TTN: variants seen among roughly 807,000 people sequenced by gnomAD.
TTN encodes titin.
Under a neutral mutation model 3,223.0 loss-of-function variants are expected in TTN, and 1,525 were observed. The observed-to-expected ratio is 0.47, with a 90% CI of 0.45 to 0.49. The LOEUF is 0.49. TTN is among the 20% of genes least tolerant of loss of function. TTN has a pLI of 0.00. For synonymous variants in TTN, 14,094 were observed against 15,161.0 expected (o/e 0.93, Z 5.17); for missense variants, 40,786 against 43,424.0 (o/e 0.94, Z 5.40).
intron 151 of TTN, 99 bp downstream of exon 151, chr2:178,674,215 G>C (rs539232345): frequency 4.1e-6 from 3 of 731,328 alleles, no homozygotes; most frequent in Non-Finnish European, 7.1e-6. Flanking sequence ...TCATGGATAC[G>C]ATATAAGAAA....
Position 178,608,621 on chromosome 2 carries a change from C to G in TTN, c.52390G>C (p.Ala17464Pro). The G allele has an allele frequency of 6.2e-7, 1 of 1,610,610 alleles. No homozygotes were observed. Among genetic ancestry groups the G allele is most frequent in the East Asian group, 2.2e-5 (1 of 44,476 alleles). Residue 17464 changes from alanine to proline, a missense_variant, in exon 274 of 363, where the codon GCT (alanine) becomes CCT (proline). Ala to Pro is a conservative substitution (Grantham distance 27). Transcript: ENST00000589042. ...GPPCVSKPLVAKDPFGPPDAP... is the reference protein window; with the variant it reads ...GPPCVSKPLVPKDPFGPPDAP... The stretch of plus-strand genomic sequence containing the variant: ...GGAAACTTACCAAATGGATCTTTAG[C>G]CACAAGTGGCTTTGAAACACATGGT...
intron 135 of TTN, among the ~76,000 whole-genome samples, 168 bp from the exon 136 acceptor site, chr2:178,681,906 T>A (rs185807221): frequency 5.3e-5 from 8 of 152,134 alleles, no homozygotes; most frequent in Admixed American, 3.3e-4. Flanking sequence ...CATATTGCCC[T>A]TTCCTTCTTG....
rs559907766 is a variant in TTN at position 178,571,005 on chromosome 2, C to A, written c.75127G>T (p.Val25043Phe). 6.3e-5 allele frequency: 102 copies of A among 1,613,052 alleles called. No homozygotes were observed. In the South Asian group the frequency reaches 9.9e-4, roughly 16 times the overall value. ...DGGSKITGYI[V>F]EKKELPEGRW... ...CCCTCAGGTAATTCTTTCTTCTCAA[C>A]AATATAACCAGTGATCTTGCTTCCA... Residue 25043 changes from valine to phenylalanine, a missense_variant, in exon 326 of 363, where the codon GTT becomes TTT. Val to Phe is a conservative substitution (Grantham distance 50, BLOSUM62 -1). Coordinates refer to ENST00000589042, the MANE Select transcript of TTN (RefSeq NM_001267550.2).
At chr2:178,672,533 G>T in intron 153 of TTN, 52 bp from the exon 154 acceptor site, 1 of 1,601,660 alleles carries the variant, frequency 6.2e-7, no homozygotes, top group Non-Finnish European at 8.5e-7. Context: ...AGCTTTCATA[G>T]ACAAAAATCA....
At position 178,552,197 on chromosome 2, in the gene TTN, C is replaced by T. The variant is rs1172858203; in HGVS notation, c.90703G>A (p.Asp30235Asn). The T allele has an allele frequency of 1.9e-6, 3 of 1,613,634 alleles. No individual in the cohort carries two copies. The highest frequency in any genetic ancestry group is 2.5e-6 in the Non-Finnish European group (3 of 1,179,724). ...ATGACACTATCAGCCTTGATTTCATCAAATCGAATGGGTCCTTTGGGCTTT... is the reference window on the plus strand; with the variant it reads ...ATGACACTATCAGCCTTGATTTCATTAAATCGAATGGGTCCTTTGGGCTTT... ...PSKPKGPIRF[D>N]EIKADSVILS... Residue 30235 changes from aspartate to asparagine, a missense_variant, in exon 335 of 363, where the codon GAT becomes AAT. Asp to Asn is a conservative substitution (Grantham distance 23, BLOSUM62 1). Coordinates refer to ENST00000589042, the MANE Select transcript of TTN (RefSeq NM_001267550.2).
chr2:178,554,048 A>G lies in TTN; in HGVS notation c.89063T>C (p.Ile29688Thr), dbSNP rs1559224502. 1.2e-6 allele frequency: 2 copies of G among 1,613,814 alleles called. No individual in the cohort carries two copies. The highest frequency in any genetic ancestry group is 3.3e-5 in the Admixed American group (2 of 59,992). Reference protein sequence around the residue: ...LGWFKVLKETIRDTRQKVTGL... With the variant: ...LGWFKVLKETTRDTRQKVTGL... The stretch of plus-strand genomic sequence containing the variant: ...TGTTACTTTTTGTCTGGTGTCACGG[A>G]TAGTCTCTTTTAGTACTTTAAACCA... The change falls in exon 333 of 363, where the codon ATC becomes ACC. Residue 29688 changes from isoleucine (I) to threonine (T), a missense_variant. By Grantham distance (89) the Ile-to-Thr change is moderately conservative (BLOSUM62 -1). Coordinates refer to ENST00000589042, the MANE Select transcript of TTN (RefSeq NM_001267550.2).
Position 178,559,976 on chromosome 2 carries a change from G to T in TTN, c.86156C>A (p.Ala28719Asp). ...AGATTTTACTCTGAAAACATATTCAGCTCCTGTTGTTAGTCCGCTTATTGT... is the reference window on the plus strand; with the variant it reads ...AGATTTTACTCTGAAAACATATTCATCTCCTGTTGTTAGTCCGCTTATTGT... ...EYTISGLTTG[A>D]EYVFRVKSVN... The change falls in exon 326 of 363, where the codon GCT (alanine) becomes GAT (aspartate). Residue 28719 changes from alanine (A) to aspartate (D), a missense_variant. Coordinates refer to ENST00000589042, the MANE Select transcript of TTN (RefSeq NM_001267550.2). 1 of 1,613,760 alleles carries T rather than the reference G, an allele frequency of 6.2e-7. No homozygotes were observed. Among genetic ancestry groups the T allele is most frequent in the South Asian group, 1.1e-5 (1 of 91,074 alleles).
At chr2:178,631,342 T>A in intron 236 of TTN, 42 bp from the exon 237 acceptor site, 1 of 1,545,980 alleles carries the variant, frequency 6.5e-7, no homozygotes, top group Non-Finnish European at 8.7e-7. Flanking sequence ...TTAATCACCT[T>A]AGGGAAATGA....
At position 178,714,924 on chromosome 2, in the gene TTN, G is replaced by A. The variant is rs1294432778; in HGVS notation, c.26200+62C>T. Reference sequence around the variant, plus strand: ...GATAAGACTGGGCTGGGGTGGAGGGGGCAACAGAGTATTACAATTAGAAGG... The same window carrying A: ...GATAAGACTGGGCTGGGGTGGAGGGAGCAACAGAGTATTACAATTAGAAGG... On this transcript the variant is annotated intron_variant, in intron 90 of 362. Coordinates refer to ENST00000589042, the MANE Select transcript of TTN (RefSeq NM_001267550.2). The A allele has an allele frequency of 4.5e-6, 7 of 1,548,942 alleles. No individual in the cohort carries two copies. The East Asian group carries it at 1.6e-4, about 35-fold the overall frequency.
chr2:178,677,851 T>G lies in TTN; in HGVS notation c.34061A>C (p.Glu11354Ala). 2 of 1,612,566 alleles carry G rather than the reference T, an allele frequency of 1.2e-6. No individual in the cohort carries two copies. Among genetic ancestry groups the G allele is most frequent in the Non-Finnish European group, 1.7e-6 (2 of 1,179,214 alleles). ...TTCCTCTTCAGGAACAATTTCTTCT[T>G]CAAATAGAACTTCCTCTTCCTGAGG... ...ALPQEEEVLF[E>A]EEIVPEEEVL... Residue 11354 changes from glutamate (E) to alanine (A), a missense_variant, in exon 146 of 363, where the codon GAA becomes GCA. By Grantham distance (107) the Glu-to-Ala change is moderately radical (BLOSUM62 -1). Transcript: ENST00000589042.
At position 178,577,266 on chromosome 2, in the gene TTN, G is replaced by A. The variant is rs747940275; in HGVS notation, c.69069C>T (p.Thr23023=). The A allele has an allele frequency of 6.2e-7, 1 of 1,612,872 alleles. No homozygotes were observed. Among genetic ancestry groups the A allele is most frequent in the Non-Finnish European group, 8.5e-7 (1 of 1,179,494 alleles). ...GTTCCACCTTCGTGCCAAAAGGATT[G>A]GTAGCAGTGATGGTATATTCACCCG... is the stretch of plus-strand genomic sequence containing the variant. ...KDAGEYTITA[T]NPFGTKVEHV... is the part of the protein sequence containing the mutation. Residue 23023 remains threonine, a synonymous_variant, in exon 324 of 363, where the codon ACC becomes ACT. Coordinates refer to ENST00000589042, the MANE Select transcript of TTN (RefSeq NM_001267550.2).
Position 178,611,738 on chromosome 2 carries a change from G to A in TTN, c.50551+20C>T, listed in dbSNP as rs67636125. 1.4e-3 allele frequency: 2,305 copies of A among 1,611,378 alleles called. 36 individuals carry two copies. In the African/African-American group the frequency reaches 0.023, roughly 16 times the overall value. The stretch of plus-strand genomic sequence containing the variant: ...CATCAAGTTCTAGACAATATCTTGT[G>A]TATAATCAGCACTACTTACTTGTTG... On this transcript the variant is annotated intron_variant, in intron 268 of 362. Transcript: ENST00000589042.
chr2:178,545,516 T>G lies in TTN; in HGVS notation c.95594A>C (p.Asp31865Ala). Residue 31865 changes from aspartate (D) to alanine (A), a missense_variant, in exon 344 of 363, where the codon GAT becomes GCT. Coordinates refer to ENST00000589042, the MANE Select transcript of TTN (RefSeq NM_001267550.2). Reference sequence around the variant, plus strand: ...CAGGCTGGTCACCTTCAGCCTGGTATCATACACCACATAGTCTTTGTTGAC... The same window carrying G: ...CAGGCTGGTCACCTTCAGCCTGGTAGCATACACCACATAGTCTTTGTTGAC... The part of the protein sequence containing the change: ...TRVNKDYVVY[D>A]TRLKVTSLME... The G allele has an allele frequency of 6.2e-7, 1 of 1,613,706 alleles. No homozygotes were observed. Among genetic ancestry groups the G allele is most frequent in the South Asian group, 1.1e-5 (1 of 91,078 alleles).
chr2:178,544,158 G>A (rs1476478501), intron 345 of TTN, 43 bp from the exon 346 acceptor site: 1 of 1,604,944 alleles, frequency 6.2e-7, no homozygotes, highest in Non-Finnish European at 8.5e-7. Context: ...ATGGACAGGT[G>A]TGAGAAGAAA....
rs1005224665 is a variant in TTN at position 178,799,999 on chromosome 2, A to C, written c.584-89T>G. The stretch of plus-strand genomic sequence containing the variant: ...GTTAATTCTGACTACAAAGTCAAAA[A>C]GATTTTCTGGATATCCCAATGGAGA... On this transcript the variant is annotated intron_variant, in intron 4 of 362. Coordinates refer to ENST00000589042, the MANE Select transcript of TTN (RefSeq NM_001267550.2). 3.5e-6 allele frequency: 5 copies of C among 1,424,464 alleles called. No homozygotes were observed. The African/African-American group carries it at 5.7e-5, about 16-fold the overall frequency. The allele number at this position is 1,424,464 out of a possible 1,614,324, so 88.2% of individuals were successfully genotyped here.
rs1578198392 is a variant in TTN, at chr2:178,733,481, T to C, written c.15812A>G (p.Gln5271Arg). 6.2e-7 allele frequency: 1 copy of C among 1,613,688 alleles called. No individual in the cohort carries two copies. Among genetic ancestry groups the C allele is most frequent in the Non-Finnish European group, 8.5e-7 (1 of 1,179,698 alleles). Residue 5271 changes from glutamine to arginine, a missense_variant, in exon 54 of 363, where the codon CAG (glutamine) becomes CGG (arginine). Physicochemically the swap from Gln to Arg is conservative, Grantham distance 43. Transcript: ENST00000589042. ...AKIIERAELI[Q>R]VTAGDPATLE... Reference sequence around the variant, plus strand: ...TGTGGCGGGATCTCCTGCTGTCACCTGGATCAGTTCTGCTCGCTCAATGAT... The same window carrying C: ...TGTGGCGGGATCTCCTGCTGTCACCCGGATCAGTTCTGCTCGCTCAATGAT...
rs2053680681 is a variant in TTN at position 178,602,369 on chromosome 2, A to G, written c.55033T>C (p.Tyr18345His). The G allele has an allele frequency of 6.2e-7, 1 of 1,612,744 alleles. No individual in the cohort carries two copies. Among genetic ancestry groups the G allele is most frequent in the Admixed American group, 1.7e-5 (1 of 59,894 alleles). Residue 18345 changes from tyrosine (Y) to histidine (H), a missense_variant, in exon 283 of 363, where the codon TAC becomes CAC. Physicochemically the swap from Tyr to His is moderately conservative, Grantham distance 83. Transcript: ENST00000589042. The stretch of plus-strand genomic sequence containing the variant: ...TTGACAGCTTTCACTCTGAATCTGT[A>G]CTTCCTGAGCTCTTTCAGATTAGGC... ...VVPNLKELRKYRFRVKAVNEA... is the reference protein window; with the variant it reads ...VVPNLKELRKHRFRVKAVNEA...
rs754157651 is a variant in TTN at position 178,731,086 on chromosome 2, C to T, written c.17579G>A (p.Gly5860Asp). Residue 5860 changes from glycine to aspartate, a missense_variant, in exon 60 of 363, where the codon GGC becomes GAC. By Grantham distance (94) the Gly-to-Asp change is moderately conservative. Coordinates refer to ENST00000589042, the MANE Select transcript of TTN (RefSeq NM_001267550.2). ...KEITAKWFKD[G>D]QELTLGSKYK... Reference sequence around the variant, plus strand: ...TTTTGAGCCCAGGGTCAGTTCTTGGCCATCTTTAAACCATTTGGCTGTAAT... The same window carrying T: ...TTTTGAGCCCAGGGTCAGTTCTTGGTCATCTTTAAACCATTTGGCTGTAAT... The T allele has an allele frequency of 4.3e-6, 7 of 1,613,660 alleles. No individual in the cohort carries two copies. Among genetic ancestry groups the T allele is most frequent in the East Asian group, 2.2e-5 (1 of 44,858 alleles).
chr2:178,585,460 A>G, intron 308 of TTN, 113 bp from the exon 309 acceptor site: 1 of 1,166,474 alleles, frequency 8.6e-7, no homozygotes, highest in South Asian at 1.6e-5. Flanking sequence ...TTTTTAATAT[A>G]TACTTTAAGT....
Sources: gnomAD v4.1 joint callset for allele counts (sites outside exome capture counted in the v4.1 genomes callset) on GRCh38, gnomAD v4.1.1 for gene constraint, MANE v1.5 for transcripts, NCBI Gene and HGNC (gene_info 2026-07-23, HGNC 2026-07-21) for gene names.